The following QTMAN variants were observed in gnomAD, a reference collection of about 807,000 sequenced individuals.
QTMAN encodes the protein queuosine-tRNA mannosyltransferase, also known as tRNA-queuosine alpha-mannosyltransferase.
At chr2:143,984,030 A>G in the QTMAN span, among the ~76,000 whole-genome samples, 1 of 152,170 alleles carries the variant, frequency 6.6e-6, no homozygotes, top group African/African-American at 2.4e-5. Flanking sequence ...TAACGCAGTC[A>G]CCCTCATATT....
chr2:143,957,415 C>G, the QTMAN span: 1 of 889,158 alleles, frequency 1.1e-6, no homozygotes, highest in African/African-American at 1.7e-5. Context: ...AGTGTCTCAT[C>G]TGAAGTTCAG....
the QTMAN span, chr2:144,295,411 T>C: frequency 6.6e-6 from 1 of 152,224 alleles, no homozygotes; most frequent in Non-Finnish European, 1.5e-5. Context: ...TTGTAAGGGC[T>C]AAATAAATAT....
the QTMAN span, among the ~76,000 whole-genome samples, chr2:144,032,801 G>GA: frequency 6.6e-6 from 1 of 152,170 alleles, no homozygotes; most frequent in Non-Finnish European, 1.5e-5. Context: ...TGCAAGTAGA[G>GA]AAACTACTTT....
the QTMAN span, among the ~76,000 whole-genome samples, chr2:144,022,227 A>G: frequency 1.3e-5 from 2 of 152,106 alleles, no homozygotes; most frequent in Non-Finnish European, 2.9e-5. Context: ...TGGAACTCCT[A>G]TTAGACATAT....
the QTMAN span, among the ~76,000 whole-genome samples, chr2:144,331,648 A>G: frequency 7.9e-5 from 12 of 152,198 alleles, no homozygotes; most frequent in Admixed American, 5.9e-4. Context: ...TGTATGTGCG[A>G]GAGAAGGCAA....
the QTMAN span, among the ~76,000 whole-genome samples, chr2:144,230,496 T>A: frequency 6.6e-6 from 1 of 152,026 alleles, no homozygotes; most frequent in African/African-American, 2.4e-5. Context: ...CACCATTCAA[T>A]AGAAACAATA....
chr2:144,141,334 C>T, the QTMAN span, among the ~76,000 whole-genome samples: 1 of 151,416 alleles, frequency 6.6e-6, no homozygotes, highest in Non-Finnish European at 1.5e-5. Context: ...AAAAAAATGT[C>T]CTTAGTAACT....
the QTMAN span, among the ~76,000 whole-genome samples, chr2:144,238,392 G>T: frequency 6.6e-6 from 1 of 152,162 alleles, no homozygotes; most frequent in Non-Finnish European, 1.5e-5. Flanking sequence ...GTATCATGGG[G>T]TGTTTCTCAT....
At chr2:144,330,688 C>A in the QTMAN span, among the ~76,000 whole-genome samples, 1 of 152,116 alleles carries the variant, frequency 6.6e-6, no homozygotes, top group East Asian at 1.9e-4. Context: ...AATTACTTGG[C>A]TTTTTAAGAT....
chr2:144,003,478 A>G, the QTMAN span, among the ~76,000 whole-genome samples: 1 of 151,722 alleles, frequency 6.6e-6, no homozygotes, highest in African/African-American at 2.4e-5. Context: ...GTCTTTCTCT[A>G]TAAGTTATTT....
At chr2:144,060,887 A>G in the QTMAN span, among the ~76,000 whole-genome samples, 1 of 152,194 alleles carries the variant, frequency 6.6e-6, no homozygotes, top group Non-Finnish European at 1.5e-5. Context: ...ACTTCTTTCT[A>G]AAAGTATGAA....
At chr2:144,237,837 T>A in the QTMAN span, among the ~76,000 whole-genome samples, 1 of 152,166 alleles carries the variant, frequency 6.6e-6, no homozygotes, top group South Asian at 2.1e-4. Flanking sequence ...GCTTCTTCCT[T>A]ACTCTCTTGG....
chr2:144,131,798 G>A, the QTMAN span, among the ~76,000 whole-genome samples: 1 of 151,910 alleles, frequency 6.6e-6, no homozygotes, highest in Admixed American at 6.6e-5. Flanking sequence ...GGGTAGCTAA[G>A]CAATTTCAGG....
the QTMAN span, among the ~76,000 whole-genome samples, chr2:144,198,805 A>G: frequency 5.7e-4 from 87 of 152,306 alleles, 4 homozygotes; most frequent in South Asian, 0.017. Context: ...GAACTAGAAA[A>G]AAATTTGTCT....
the QTMAN span, among the ~76,000 whole-genome samples, chr2:144,116,161 C>T: frequency 6.6e-6 from 1 of 151,762 alleles, no homozygotes; most frequent in African/African-American, 2.4e-5. Flanking sequence ...CAATTTCTGC[C>T]AAGTGTTTTA....
the QTMAN span, among the ~76,000 whole-genome samples, chr2:144,265,977 G>T: frequency 1.3e-5 from 2 of 152,116 alleles, no homozygotes; most frequent in African/African-American, 4.8e-5. Context: ...CTCCTACCAT[G>T]GCACCCTGTA....
At chr2:143,939,516 A>G in the QTMAN span, 7 of 152,252 alleles carry the variant, frequency 4.6e-5, no homozygotes, top group East Asian at 7.7e-4. Context: ...TTTTAGTCCT[A>G]TATCATGGAA....
chr2:144,328,576 TC>T, the QTMAN span, among the ~76,000 whole-genome samples: 1 of 152,164 alleles, frequency 6.6e-6, no homozygotes, highest in African/African-American at 2.4e-5. Flanking sequence ...TCCAGATCCT[TC>T]CCGTTGTAGG....
chr2:144,104,484 C>G, the QTMAN span, among the ~76,000 whole-genome samples: 1 of 152,092 alleles, frequency 6.6e-6, no homozygotes, highest in African/African-American at 2.4e-5. Context: ...TTGGAGGGTC[C>G]CACGCTCACG....
Sources: allele counts gnomAD v4.1 joint callset (sites outside exome capture counted in the v4.1 genomes callset), GRCh38; gene constraint gnomAD v4.1.1; transcripts MANE v1.5; gene names NCBI Gene and HGNC (gene_info 2026-07-23, HGNC 2026-07-21).